The following CELF5 variants were observed in gnomAD, a reference collection of about 807,000 sequenced individuals.
CELF5 encodes CUGBP Elav-like family member 5, also known as CUG-BP and ETR-3 like factor 5.
A neutral mutation model predicts 54.9 loss-of-function variants in CELF5; 6 were observed. The ratio of observed to expected loss-of-function variants is 0.11; its 90% confidence interval spans 0.06 to 0.22. The LOEUF (loss-of-function observed/expected upper bound fraction) is 0.22. CELF5 is among the 10% of genes least tolerant of loss of function. The pLI, the probability that CELF5 is intolerant of heterozygous loss-of-function variation, is 1.00. For missense variants in CELF5, 401 were observed against 678.6 expected, an observed-to-expected ratio of 0.59 and a Z score of 4.54; for synonymous variants, 271 against 290.9, an observed-to-expected ratio of 0.93 and a Z score of 0.70.
intron 10 of CELF5, among the ~76,000 whole-genome samples, chr19:3,287,938 G>T (rs1349428253): frequency 5.3e-5 from 8 of 152,186 alleles, no homozygotes; most frequent in African/African-American, 1.9e-4. Flanking sequence ...CGTGGAAACG[G>T]CATCGAAAGG....
At chr19:3,292,148 T>C (rs1024377283) in intron 11 of CELF5, among the ~76,000 whole-genome samples, 7 of 152,060 alleles carry the variant, frequency 4.6e-5, no homozygotes, top group Non-Finnish European at 7.4e-5. Flanking sequence ...GGTTTCACCA[T>C]GTTGGCCAGG....
chr19:3,238,850 A>C (rs11672767), intron 1 of CELF5, among the ~76,000 whole-genome samples: 23,445 of 152,090 alleles, frequency 0.15, 2,062 homozygotes, highest in East Asian at 0.24. Context: ...TTGCTTGAAC[A>C]CAGTAGGTGG....
intron 5 of CELF5, among the ~76,000 whole-genome samples, chr19:3,280,235 C>T (rs2145257516): frequency 6.6e-6 from 1 of 152,238 alleles, no homozygotes; most frequent in South Asian, 2.1e-4. Context: ...TGTCCGCTGT[C>T]CACTGGGTGG....
At chr19:3,227,100 G>T (rs985132726) in intron 1 of CELF5, among the ~76,000 whole-genome samples, 3 of 152,146 alleles carry the variant, frequency 2.0e-5, no homozygotes, top group African/African-American at 4.8e-5. Context: ...GCTTCACCTC[G>T]TGTCGAAAAT....
chr19:3,291,023 G>A (rs2080337701), intron 11 of CELF5, among the ~76,000 whole-genome samples: 1 of 151,896 alleles, frequency 6.6e-6, no homozygotes, highest in Non-Finnish European at 1.5e-5. Context: ...CTACTCAGGA[G>A]GCTGAGGTGT....
intron 11 of CELF5, among the ~76,000 whole-genome samples, chr19:3,292,675 G>A (rs556764689): frequency 2.0e-5 from 3 of 152,170 alleles, no homozygotes; most frequent in African/African-American, 7.2e-5. Flanking sequence ...TGAGACAGAA[G>A]GAGAGGGAGA....
intron 2 of CELF5, among the ~76,000 whole-genome samples, chr19:3,272,254 A>G (rs947871718): frequency 6.6e-6 from 1 of 152,092 alleles, no homozygotes; most frequent in African/African-American, 2.4e-5. Context: ...CTGTAGTCCC[A>G]GCTGCTTGGG....
At chr19:3,242,650 A>G (rs1568333804) in intron 1 of CELF5, among the ~76,000 whole-genome samples, 1 of 152,070 alleles carries the variant, frequency 6.6e-6, no homozygotes, top group Non-Finnish European at 1.5e-5. Flanking sequence ...TACTAAAAAT[A>G]CAAAAATTAG....
At chr19:3,264,168 G>A (rs935805520) in intron 2 of CELF5, among the ~76,000 whole-genome samples, 1 of 151,942 alleles carries the variant, frequency 6.6e-6, no homozygotes, top group Admixed American at 6.6e-5. Context: ...CAGCTACTCA[G>A]TAGGCTGAGG....
At position 3,268,464 on chromosome 19, in the gene CELF5, A is replaced by G. The variant is rs1024325054; in HGVS notation, c.343-5408A>G. Among the ~76,000 whole-genome samples, 71 of 151,804 alleles carry G rather than the reference A, an allele frequency of 4.7e-4. No homozygotes were observed. The highest frequency in any genetic ancestry group is 1.6e-3 in the African/African-American group (68 of 41,318). On this transcript the variant is annotated intron_variant, in intron 2 of 12. Coordinates refer to ENST00000292672, the MANE Select transcript of CELF5 (RefSeq NM_021938.4). The surrounding 1 kb of genome is among the most constrained non-coding windows in gnomAD (Gnocchi z 4.4). ...GCTGCGAGACTCGGGGCGTCGTGTC[A>G]TCTTTCTGGGCCTGTGCAGACACCA...
At chr19:3,227,048 C>A (rs1017031637) in intron 1 of CELF5, among the ~76,000 whole-genome samples, 1 of 152,150 alleles carries the variant, frequency 6.6e-6, no homozygotes, top group Non-Finnish European at 1.5e-5. Context: ...TCACCCTCCA[C>A]TTTTTAGGGG....
intron 2 of CELF5, among the ~76,000 whole-genome samples, chr19:3,270,944 T>C (rs1296944338): frequency 6.7e-6 from 1 of 150,316 alleles, no homozygotes; most frequent in Non-Finnish European, 1.5e-5. Flanking sequence ...GGGTGGAGGG[T>C]TCGGTGATGG....
At chr19:3,255,053 C>T (rs555492091) in intron 2 of CELF5, among the ~76,000 whole-genome samples, 2 of 152,302 alleles carry the variant, frequency 1.3e-5, no homozygotes, top group African/African-American at 4.8e-5. Context: ...TTATCAAGCA[C>T]CTACTATTTA....
intron 5 of CELF5, among the ~76,000 whole-genome samples, chr19:3,279,198 T>G (rs2080107682): frequency 1.4e-5 from 2 of 144,002 alleles, no homozygotes; most frequent in African/African-American, 2.6e-5. Context: ...GACATTAGGG[T>G]GAGAATGGAT....
At chr19:3,255,773 C>T (rs770807970) in intron 2 of CELF5, among the ~76,000 whole-genome samples, 7 of 152,028 alleles carry the variant, frequency 4.6e-5, no homozygotes, top group Non-Finnish European at 8.8e-5. Flanking sequence ...GATTTAAAGA[C>T]GTGAAGGTGG....
intron 1 of CELF5, among the ~76,000 whole-genome samples, chr19:3,232,194 G>A (rs1330410147): frequency 6.6e-6 from 1 of 152,082 alleles, no homozygotes; most frequent in Non-Finnish European, 1.5e-5. Flanking sequence ...CTGAACCTTA[G>A]CTACTTTGTA....
chr19:3,284,398 C>T (rs2080199570), intron 8 of CELF5, among the ~76,000 whole-genome samples: 1 of 152,186 alleles, frequency 6.6e-6, no homozygotes, highest in African/African-American at 2.4e-5. Context: ...CCAGAATCAT[C>T]AGCTTTGGTG....
chr19:3,266,166 A>G (rs1194440779), intron 2 of CELF5, among the ~76,000 whole-genome samples: 10 of 152,186 alleles, frequency 6.6e-5, no homozygotes, highest in African/African-American at 2.4e-4. Context: ...CTAAGAAAAG[A>G]GTGGGACGTT....
chr19:3,269,806 C>T (rs746211005), intron 2 of CELF5, among the ~76,000 whole-genome samples: 4 of 152,118 alleles, frequency 2.6e-5, no homozygotes, highest in Non-Finnish European at 5.9e-5. Flanking sequence ...CTGTCGTCCA[C>T]GCCGGAGTGC....
Sources: allele counts gnomAD v4.1 joint callset (sites outside exome capture counted in the v4.1 genomes callset), GRCh38; gene constraint gnomAD v4.1.1; non-coding constraint Gnocchi (gnomAD v3.1); transcripts MANE v1.5; gene names NCBI Gene and HGNC (gene_info 2026-07-23, HGNC 2026-07-21).